Variants in ACCSL observed in about 807,000 individuals in gnomAD.
The protein encoded by ACCSL is probable inactive 1-aminocyclopropane-1-carboxylate synthase-like protein 2.
ACCSL carries 55 observed loss-of-function variants against 61.7 expected under a neutral mutation model. The observed-to-expected ratio is 0.89, with a 90% CI of 0.72 to 1.12. ACCSL has a LOEUF of 1.12. ACCSL is among the 50% of genes most tolerant of loss of function. The pLI is 0.00. For missense variants in ACCSL, 632 were observed against 698.0 expected, an observed-to-expected ratio of 0.91 and a Z score of 1.07; for synonymous variants, 258 against 264.3, an observed-to-expected ratio of 0.98 and a Z score of 0.23.
chr11:43,923,288 A>G, the ACCSL span, among the ~76,000 whole-genome samples: 4 of 152,188 alleles, frequency 2.6e-5, no homozygotes, highest in African/African-American at 9.6e-5. Flanking sequence ...TCTGGCAGCT[A>G]TTACTTGGCT....
chr11:43,950,939 T>G, the ACCSL span, among the ~76,000 whole-genome samples: 1 of 152,234 alleles, frequency 6.6e-6, no homozygotes, highest in African/African-American at 2.4e-5. Flanking sequence ...ACAAAAACTC[T>G]AAAACATAAG....
the ACCSL span, among the ~76,000 whole-genome samples, chr11:43,989,798 G>A: frequency 6.6e-6 from 1 of 152,232 alleles, no homozygotes; most frequent in South Asian, 2.1e-4. Context: ...CCAGCTTACT[G>A]CAGGGGTTGG....
rs183708526 is a variant in ACCSL, at chr11:44,059,656, T to C, written c.1625-182T>C. 2.6e-5 allele frequency among the ~76,000 whole-genome samples: 4 copies of C among 152,298 alleles called. No homozygotes were observed. In the East Asian group the frequency reaches 7.7e-4, roughly 29 times the overall value. ...CTCGCAGGCTGACATAACAATGATA[T>C]TCAAAAAGAAATCAGGGATGCAACA... On this transcript the variant is annotated intron_variant, in intron 13 of 13. Transcript: ENST00000378832.
chr11:43,927,332 C>T, the ACCSL span, among the ~76,000 whole-genome samples: 2 of 152,122 alleles, frequency 1.3e-5, no homozygotes, highest in Non-Finnish European at 2.9e-5. Context: ...TTGGAAATCA[C>T]GAGAATGGAG....
chr11:43,978,300 GTGCCTGGCCTC>G, the ACCSL span, among the ~76,000 whole-genome samples: 2 of 152,056 alleles, frequency 1.3e-5, no homozygotes, highest in Non-Finnish European at 2.9e-5. Context: ...ATGAGCCACT[GTGCCTGGCCTC>G]TAGGAAGCTC....
At chr11:44,039,962 C>G in the ACCSL span, among the ~76,000 whole-genome samples, 1 of 152,224 alleles carries the variant, frequency 6.6e-6, no homozygotes, top group South Asian at 2.1e-4. Flanking sequence ...CTCATACCAC[C>G]CTCGGGGAGG....
At chr11:44,004,584 C>T in the ACCSL span, among the ~76,000 whole-genome samples, 178 of 152,322 alleles carry the variant, frequency 1.2e-3, no homozygotes, top group African/African-American at 4.2e-3. Context: ...AGCCCAGCCC[C>T]AGCCGCAGGC....
the ACCSL span, chr11:43,943,556 G>A: frequency 9.9e-6 from 13 of 1,317,920 alleles, no homozygotes; most frequent in East Asian, 6.9e-4. The surrounding 1 kb of genome is among the most constrained non-coding windows in gnomAD (Gnocchi z 4.8). Flanking sequence ...TGTGTGCGGG[G>A]AGGCGCGCCC....
chr11:43,986,672 G>A, the ACCSL span, among the ~76,000 whole-genome samples: 2 of 152,176 alleles, frequency 1.3e-5, no homozygotes, highest in Admixed American at 1.3e-4. Context: ...CAGCCTAAAT[G>A]TCACTTTCTC....
chr11:43,978,968 C>G, the ACCSL span, among the ~76,000 whole-genome samples: 1 of 151,844 alleles, frequency 6.6e-6, no homozygotes, highest in East Asian at 1.9e-4. Context: ...GTTGGGAAAG[C>G]CTTGTGGCAC....
chr11:44,052,882 A>G, intron 6 of ACCSL, 109 bp from the exon 7 acceptor site: 2 of 1,439,758 alleles, frequency 1.4e-6, no homozygotes. Context: ...TGGAGAAGGC[A>G]TGTGGACTGG....
chr11:44,007,854 C>T, the ACCSL span, among the ~76,000 whole-genome samples: 1 of 152,172 alleles, frequency 6.6e-6, no homozygotes, highest in Non-Finnish European at 1.5e-5. Flanking sequence ...TCACTTTTAT[C>T]CCTTTGGTTA....
chr11:43,948,199 C>T, the ACCSL span, among the ~76,000 whole-genome samples: 2 of 152,168 alleles, frequency 1.3e-5, no homozygotes, highest in Non-Finnish European at 2.9e-5. Context: ...GAGGGAAGGG[C>T]TGCCCATGAG....
chr11:43,943,349 G>T, the ACCSL span: 6 of 1,395,132 alleles, frequency 4.3e-6, no homozygotes, highest in East Asian at 1.8e-4. This position sits in a 1 kb window ranked among gnomAD's most constrained non-coding sequence, Gnocchi z 4.8. Flanking sequence ...GAGAGTGCCC[G>T]CGCCCTGCTC....
At chr11:44,059,049 T>C (rs1218148016) in intron 13 of ACCSL, among the ~76,000 whole-genome samples, 1 of 152,098 alleles carries the variant, frequency 6.6e-6, no homozygotes, top group African/African-American at 2.4e-5. Context: ...CAGACCAGCC[T>C]GGCCAGCATG....
At chr11:43,984,863 C>T in the ACCSL span, among the ~76,000 whole-genome samples, 212 of 152,308 alleles carry the variant, frequency 1.4e-3, no homozygotes, top group African/African-American at 2.6e-3. Flanking sequence ...GTCTGCTGGA[C>T]GGAGCAGAGG....
the ACCSL span, among the ~76,000 whole-genome samples, chr11:44,037,080 T>G: frequency 6.6e-6 from 1 of 152,140 alleles, no homozygotes; most frequent in Non-Finnish European, 1.5e-5. Flanking sequence ...GGAAGAGGAA[T>G]TCTCCTCCTT....
At chr11:43,948,077 C>T in the ACCSL span, among the ~76,000 whole-genome samples, 1 of 152,204 alleles carries the variant, frequency 6.6e-6, no homozygotes, top group Non-Finnish European at 1.5e-5. Context: ...CTCTGGCCAA[C>T]AGCCAGCTAA....
the ACCSL span, chr11:43,926,682 TAAAA>T: frequency 3.2e-6 from 1 of 313,508 alleles, no homozygotes; most frequent in East Asian, 8.5e-5. Flanking sequence ...TGCAAGAAAT[TAAAA>T]AGAAAGATAA....
Sources: allele counts gnomAD v4.1 joint callset (sites outside exome capture counted in the v4.1 genomes callset), GRCh38; gene constraint gnomAD v4.1.1; non-coding constraint Gnocchi (gnomAD v3.1); transcripts MANE v1.5; gene names NCBI Gene and HGNC (gene_info 2026-07-23, HGNC 2026-07-21).